Variants in NRG4 observed in about 807,000 individuals in gnomAD.
The protein encoded by NRG4 is pro-neuregulin-4, membrane-bound isoform.
Under a neutral mutation model 15.0 loss-of-function variants are expected in NRG4, and 10 were observed. That is an observed-to-expected ratio of 0.67 (90% confidence interval 0.41 to 1.13). The LOEUF (loss-of-function observed/expected upper bound fraction) is 1.13. Among genes scored for constraint, NRG4 ranks in the 50% most tolerant of loss-of-function variants. The probability of loss-of-function intolerance (pLI) is 0.00; values close to 1 mark genes in which losing one functional copy is unlikely to be tolerated. For synonymous variants in NRG4, 41 were observed against 50.1 expected, an observed-to-expected ratio of 0.82 and a Z score of 0.77; for missense variants, 139 against 140.2, an observed-to-expected ratio of 0.99 and a Z score of 0.04.
chr15:75,968,592 A>T (rs967485493), intron 3 of NRG4, among the ~76,000 whole-genome samples: 8 of 151,200 alleles, frequency 5.3e-5, no homozygotes, highest in African/African-American at 1.9e-4. Flanking sequence ...ATCTAAAAAA[A>T]AAAAAAAAAA....
At chr15:76,005,807 A>T in intron 3 of NRG4, 1 of 426,960 alleles carries the variant, frequency 2.3e-6, no homozygotes, top group Non-Finnish European at 4.7e-6. Flanking sequence ...ATTTTCGTGT[A>T]GACTGAGGAG....
At chr15:76,017,794 A>G (rs928130538) in intron 5 of NRG4, among the ~76,000 whole-genome samples, 1 of 151,658 alleles carries the variant, frequency 6.6e-6, no homozygotes, top group Non-Finnish European at 1.5e-5. Context: ...GAATCTGACA[A>G]TTATGTGTCT....
intron 1 of NRG4, among the ~76,000 whole-genome samples, chr15:76,059,415 G>A (rs1407409356): frequency 6.6e-6 from 1 of 152,270 alleles, no homozygotes; most frequent in Admixed American, 6.5e-5. Context: ...CGGATGAAAC[G>A]GAGCAACTGG....
At chr15:75,982,903 T>C (rs73449065) in intron 3 of NRG4, among the ~76,000 whole-genome samples, 1 of 152,002 alleles carries the variant, frequency 6.6e-6, no homozygotes, top group African/African-American at 2.4e-5. Flanking sequence ...AAACAGACCA[T>C]CTAAAAACAA....
upstream of NRG4, among the ~76,000 whole-genome samples, chr15:76,017,062 C>G (rs190710976): frequency 3.3e-5 from 5 of 151,888 alleles, no homozygotes; most frequent in Admixed American, 3.3e-4. Context: ...CTGCATTGAT[C>G]CCTTTACCAT....
chr15:75,951,770 T>C (rs1054853631), intron 5 of NRG4, among the ~76,000 whole-genome samples: 1 of 152,224 alleles, frequency 6.6e-6, no homozygotes, highest in African/African-American at 2.4e-5. Context: ...ATTTTGCTTT[T>C]ATGTATGTTG....
At chr15:75,965,627 A>C (rs890516943) in intron 3 of NRG4, among the ~76,000 whole-genome samples, 24 of 152,226 alleles carry the variant, frequency 1.6e-4, no homozygotes, top group Admixed American at 5.2e-4. Context: ...TATTTACCAA[A>C]CAAAAAAGTA....
At chr15:75,990,450 G>T (rs780723937) in intron 3 of NRG4, among the ~76,000 whole-genome samples, 13 of 152,110 alleles carry the variant, frequency 8.5e-5, no homozygotes, top group Non-Finnish European at 1.5e-4. Context: ...TTCTCTCAGG[G>T]ATCACTGTCC....
At chr15:75,953,863 T>G (rs1255923852) in intron 5 of NRG4, among the ~76,000 whole-genome samples, 3 of 152,198 alleles carry the variant, frequency 2.0e-5, no homozygotes, top group Non-Finnish European at 4.4e-5. Context: ...ATTTTGTTCT[T>G]TTTTGTAGAG....
chr15:75,956,731 T>A (rs576393421), intron 4 of NRG4, among the ~76,000 whole-genome samples: 2 of 152,298 alleles, frequency 1.3e-5, no homozygotes, highest in East Asian at 3.9e-4. Flanking sequence ...CCTCCTTCAA[T>A]GATGGCACTA....
chr15:76,058,635 C>G (rs1032640544), intron 1 of NRG4, among the ~76,000 whole-genome samples: 8 of 152,184 alleles, frequency 5.3e-5, no homozygotes, highest in African/African-American at 1.9e-4. Flanking sequence ...AATAAAAACA[C>G]TTTAGAAGAG....
In NRG4 at chr15:75,977,818, TTTTTA is replaced by T. The variant is rs755935156; in HGVS notation, c.105-15849_105-15845del. 1.3e-5 allele frequency among the ~76,000 whole-genome samples: 2 copies of T among 152,296 alleles called. No homozygotes were observed. Among genetic ancestry groups the T allele is most frequent in the South Asian group, 2.1e-4 (1 of 4,816 alleles). On this transcript the variant is annotated intron_variant, in intron 3 of 5. Transcript: ENST00000394907. The surrounding 1 kb of genome is among the most constrained non-coding windows in gnomAD (Gnocchi z 4.9). ...CCCAATCTTCTCTTCCAGCTTTTTA[TTTTTA>T]TTTTATTTTTTTAAATGGAGTCTCA...
At chr15:76,025,986 C>T (rs2035306095) in intron 5 of NRG4, among the ~76,000 whole-genome samples, 1 of 151,436 alleles carries the variant, frequency 6.6e-6, no homozygotes, top group Non-Finnish European at 1.5e-5. Context: ...CACAGGCAGC[C>T]CCCGACTACA....
At chr15:75,989,651 C>T (rs149808151) in intron 3 of NRG4, among the ~76,000 whole-genome samples, 2 of 152,314 alleles carry the variant, frequency 1.3e-5, no homozygotes, top group African/African-American at 4.8e-5. Flanking sequence ...CTAGAAATCT[C>T]TCCATTTCAT....
intron 2 of NRG4, among the ~76,000 whole-genome samples, chr15:76,055,245 T>G (rs2036125700): frequency 2.0e-5 from 3 of 152,320 alleles, no homozygotes; most frequent in African/African-American, 7.2e-5. Context: ...ATTGTGCCAC[T>G]GCACTCCAAC....
At chr15:75,949,077 A>G (rs942093015) in intron 5 of NRG4, among the ~76,000 whole-genome samples, 3 of 152,158 alleles carry the variant, frequency 2.0e-5, no homozygotes, top group Non-Finnish European at 4.4e-5. Context: ...CTACAATTCA[A>G]TGAATTTTAA....
intron 3 of NRG4, among the ~76,000 whole-genome samples, chr15:76,002,678 C>T (rs1167938364): frequency 6.6e-6 from 1 of 151,832 alleles, no homozygotes; most frequent in African/African-American, 2.4e-5. Flanking sequence ...AAATAGAAAG[C>T]AATATTAATA....
At chr15:76,013,353 A>G (rs2034877363), upstream of NRG4, among the ~76,000 whole-genome samples, 1 of 152,068 alleles carries the variant, frequency 6.6e-6, no homozygotes, top group Admixed American at 6.6e-5. Flanking sequence ...TCATTATTAC[A>G]TTTTTAAAAT....
chr15:76,039,894 C>T (rs1048377961), intron 4 of NRG4, among the ~76,000 whole-genome samples: 7 of 152,034 alleles, frequency 4.6e-5, no homozygotes, highest in South Asian at 2.1e-4. Context: ...ATTAGCTGGG[C>T]GTGGTGGCAC....
Sources: allele counts gnomAD v4.1 joint callset (sites outside exome capture counted in the v4.1 genomes callset), GRCh38; gene constraint gnomAD v4.1.1; non-coding constraint Gnocchi (gnomAD v3.1); transcripts MANE v1.5; gene names NCBI Gene and HGNC (gene_info 2026-07-23, HGNC 2026-07-21).